The following NDST4 variants were observed in gnomAD, a reference collection of about 807,000 sequenced individuals.
NDST4 encodes N-deacetylase and N-sulfotransferase 4.
Under a neutral mutation model 100.8 loss-of-function variants are expected in NDST4, and 63 were observed. That is an observed-to-expected ratio of 0.62 (90% CI 0.51 to 0.77). The LOEUF (loss-of-function observed/expected upper bound fraction) is 0.77. Ranked by LOEUF, NDST4 falls within the 30% of genes least tolerant of loss-of-function variation. The pLI is 0.00. For synonymous variants in NDST4, 377 were observed against 361.8 expected (o/e 1.04, Z -0.48); for missense variants, 943 against 1,018.4 (o/e 0.93, Z 1.01).
intron 1 of NDST4, among the ~76,000 whole-genome samples, chr4:115,093,689 T>C (rs571157030): frequency 4.6e-5 from 7 of 152,108 alleles, no homozygotes; most frequent in Non-Finnish European, 1.0e-4. Flanking sequence ...TGTAATGCCA[T>C]GTACCCAGCA....
chr4:114,930,843 C>T (rs554780434), intron 6 of NDST4, among the ~76,000 whole-genome samples: 2 of 152,072 alleles, frequency 1.3e-5, no homozygotes, highest in South Asian at 4.2e-4. Flanking sequence ...TACCATTGTA[C>T]ATCTATTTAT....
intron 7 of NDST4, among the ~76,000 whole-genome samples, chr4:114,857,495 A>G (rs1473120796): frequency 1.3e-5 from 2 of 152,160 alleles, no homozygotes; most frequent in African/African-American, 2.4e-5. Context: ...ATGCTTCTCC[A>G]TCAGCTCATT....
chr4:115,109,423 G>A (rs574390008), intron 1 of NDST4, among the ~76,000 whole-genome samples: 7 of 151,992 alleles, frequency 4.6e-5, no homozygotes, highest in Admixed American at 3.3e-4. Flanking sequence ...GCATGTGGCC[G>A]CACATAAAAC....
At chr4:115,033,137 A>G (rs1013845768) in intron 2 of NDST4, among the ~76,000 whole-genome samples, 3 of 87,644 alleles carry the variant, frequency 3.4e-5, no homozygotes, top group Non-Finnish European at 6.1e-5. Flanking sequence ...ATGTGTATAT[A>G]TATATATATA....
chr4:114,891,074 T>C (rs919647218), intron 6 of NDST4, among the ~76,000 whole-genome samples: 2 of 152,070 alleles, frequency 1.3e-5, no homozygotes, highest in African/African-American at 4.8e-5. Flanking sequence ...TTTGAGGGAT[T>C]CATCCTACTT....
intron 7 of NDST4, among the ~76,000 whole-genome samples, chr4:114,853,729 C>T (rs951395297): frequency 4.0e-5 from 6 of 151,844 alleles, no homozygotes; most frequent in Non-Finnish European, 7.4e-5. Flanking sequence ...ATTTATTATC[C>T]CAATATTAAC....
intron 4 of NDST4, among the ~76,000 whole-genome samples, chr4:114,942,987 T>C (rs1442736050): frequency 6.8e-6 from 1 of 148,054 alleles, no homozygotes; most frequent in Non-Finnish European, 1.5e-5. Context: ...GTAGAATTTA[T>C]ATATACTGAT....
chr4:115,057,625 C>G (rs72898629), intron 2 of NDST4, among the ~76,000 whole-genome samples: 2 of 151,678 alleles, frequency 1.3e-5, no homozygotes, highest in African/African-American at 4.8e-5. Context: ...CCATAGTACT[C>G]GAATGAGTGA....
intron 2 of NDST4, among the ~76,000 whole-genome samples, chr4:115,015,524 G>A (rs1248248156): frequency 1.3e-5 from 2 of 152,120 alleles, no homozygotes; most frequent in South Asian, 2.1e-4. Flanking sequence ...GCACTTGGAG[G>A]AAAAATAATT....
At chr4:114,902,251 A>G (rs1176237159) in intron 6 of NDST4, among the ~76,000 whole-genome samples, 1 of 151,978 alleles carries the variant, frequency 6.6e-6, no homozygotes, top group Non-Finnish European at 1.5e-5. Flanking sequence ...ATTTTTTCGC[A>G]CATGTCTAGT....
intron 1 of NDST4, among the ~76,000 whole-genome samples, chr4:115,108,253 T>C (rs566731851): frequency 1.3e-5 from 2 of 152,170 alleles, no homozygotes; most frequent in South Asian, 2.1e-4. Context: ...TATTTATTTC[T>C]GATGTTTAAA....
chr4:114,921,772 T>G (rs1287739438), intron 6 of NDST4, among the ~76,000 whole-genome samples: 1 of 152,182 alleles, frequency 6.6e-6, no homozygotes, highest in Non-Finnish European at 1.5e-5. Flanking sequence ...TGCACTACCA[T>G]TCCAGCTGCC....
intron 1 of NDST4, 28 bp downstream of exon 1, chr4:115,113,416 G>T (rs943816006): frequency 6.6e-6 from 1 of 151,870 alleles, no homozygotes. Context: ...TACACACCTC[G>T]ATTTCAGCAA....
chr4:114,913,783 A>G (rs1160712570), intron 6 of NDST4, among the ~76,000 whole-genome samples: 1 of 151,490 alleles, frequency 6.6e-6, no homozygotes, highest in Admixed American at 6.6e-5. Context: ...GCCCTTCAGT[A>G]TAATGCATAT....
At chr4:115,059,636 T>C (rs1044878404) in intron 2 of NDST4, among the ~76,000 whole-genome samples, 3 of 152,084 alleles carry the variant, frequency 2.0e-5, no homozygotes, top group Admixed American at 2.0e-4. Context: ...AGACCATCTA[T>C]CTTTTAACCC....
intron 2 of NDST4, among the ~76,000 whole-genome samples, chr4:115,021,814 T>C (rs1194939027): frequency 4.6e-5 from 7 of 151,828 alleles, no homozygotes; most frequent in African/African-American, 1.7e-4. Context: ...ACATTCCATA[T>C]ATATACCTTC....
chr4:114,910,700 A>G (rs1317467860), intron 6 of NDST4, among the ~76,000 whole-genome samples: 1 of 152,186 alleles, frequency 6.6e-6, no homozygotes, highest in African/African-American at 2.4e-5. Context: ...CTAACGTGTT[A>G]GATGCCTAAA....
At chr4:115,060,829 A>G (rs957401458) in intron 2 of NDST4, among the ~76,000 whole-genome samples, 2 of 152,044 alleles carry the variant, frequency 1.3e-5, no homozygotes, top group African/African-American at 4.8e-5. Flanking sequence ...AAATTATTAA[A>G]ATAATTGTTT....
chr4:115,082,801 ATTAAG>A (rs1303013846), intron 1 of NDST4, among the ~76,000 whole-genome samples: 10 of 151,482 alleles, frequency 6.6e-5, no homozygotes, highest in South Asian at 2.1e-4. Context: ...AGAAACAAAG[ATTAAG>A]TTAAGTGAAG....
Sources: allele counts gnomAD v4.1 joint callset (sites outside exome capture counted in the v4.1 genomes callset), GRCh38; gene constraint gnomAD v4.1.1; transcripts MANE v1.5; gene names NCBI Gene and HGNC (gene_info 2026-07-23, HGNC 2026-07-21).